The following PTPRN2 variants were observed in gnomAD, a reference collection of about 807,000 sequenced individuals.
PTPRN2 encodes protein tyrosine phosphatase receptor type N2.
A neutral mutation model predicts 118.8 loss-of-function variants in PTPRN2; 74 were observed. The ratio of observed to expected loss-of-function variants is 0.62; its 90% CI spans 0.52 to 0.76. PTPRN2 has a LOEUF of 0.76. Ranked by LOEUF, PTPRN2 falls within the 30% of genes least tolerant of loss-of-function variation. PTPRN2 has a pLI of 0.00. For missense variants in PTPRN2, 1,481 were observed against 1,394.4 expected (o/e 1.06, Z -0.99); for synonymous variants, 641 against 608.0 (o/e 1.05, Z -0.80).
intron 11 of PTPRN2, among the ~76,000 whole-genome samples, chr7:158,025,432 C>T (rs1212038049): frequency 2.0e-5 from 3 of 152,198 alleles, no homozygotes; most frequent in African/African-American, 4.8e-5. Flanking sequence ...AGCACGGCCG[C>T]CTTCCCCAGA....
chr7:157,670,062 A>G (rs974131613), intron 13 of PTPRN2, among the ~76,000 whole-genome samples: 1 of 152,142 alleles, frequency 6.6e-6, no homozygotes, highest in African/African-American at 2.4e-5. Context: ...CGAGTGTCCC[A>G]CACCAAGGCA....
intron 10 of PTPRN2, among the ~76,000 whole-genome samples, chr7:158,101,284 G>T (rs4475428): frequency 0.95 from 145,163 of 152,308 alleles, 69,224 homozygotes; most frequent in Middle Eastern, 0.98. Context: ...GGACACTCTA[G>T]TCAAAAATGG....
At chr7:158,266,751 T>C (rs970290612) in intron 3 of PTPRN2, among the ~76,000 whole-genome samples, 1 of 152,232 alleles carries the variant, frequency 6.6e-6, no homozygotes, top group Admixed American at 6.5e-5. Flanking sequence ...TTTTTGAAGA[T>C]TGAATTCAGT....
At chr7:158,342,340 A>G (rs1229875570) in intron 2 of PTPRN2, among the ~76,000 whole-genome samples, 7 of 103,332 alleles carry the variant, frequency 6.8e-5, no homozygotes, top group East Asian at 2.8e-4. Flanking sequence ...AAGAGCTGAC[A>G]CCTGCAGACG....
rs1817760969 is a variant in PTPRN2, at chr7:158,446,898, C to T, written c.163+42837G>A. On this transcript the variant is annotated intron_variant, in intron 2 of 22. Coordinates refer to ENST00000389418, the MANE Select transcript of PTPRN2 (RefSeq NM_002847.5). ...TGGACTGAAGGCGGCCGGCCTGCAG[C>T]CTCCTAGCTCCTGTTCCCACGGCCT... 7.2e-5 allele frequency among the ~76,000 whole-genome samples: 11 copies of T among 152,206 alleles called. No individual in the cohort carries two copies. The South Asian group carries it at 2.3e-3, about 31-fold the overall frequency.
At chr7:157,646,852 G>A (rs565611947) in intron 14 of PTPRN2, among the ~76,000 whole-genome samples, 29 of 149,724 alleles carry the variant, frequency 1.9e-4, no homozygotes, top group Admixed American at 6.6e-4. Flanking sequence ...AGCGTGCACC[G>A]AACTCAGTGG....
At chr7:158,229,891 G>T (rs1158726186) in intron 3 of PTPRN2, among the ~76,000 whole-genome samples, 1 of 151,818 alleles carries the variant, frequency 6.6e-6, no homozygotes, top group Non-Finnish European at 1.5e-5. Context: ...GTACAGGAAG[G>T]TCAGAGAACA....
intron 17 of PTPRN2, among the ~76,000 whole-genome samples, chr7:157,586,102 T>C (rs1800656876): frequency 6.6e-6 from 1 of 152,200 alleles, no homozygotes; most frequent in South Asian, 2.1e-4. Flanking sequence ...AATATAACAA[T>C]GTCCTGGAAA....
At chr7:157,734,846 C>A (rs898691221) in intron 12 of PTPRN2, among the ~76,000 whole-genome samples, 1 of 152,226 alleles carries the variant, frequency 6.6e-6, no homozygotes, top group Admixed American at 6.5e-5. Context: ...CAGAGGCAAA[C>A]CCACACCAGG....
chr7:157,747,699 C>T (rs113818741), intron 12 of PTPRN2, among the ~76,000 whole-genome samples: 3 of 130,962 alleles, frequency 2.3e-5, no homozygotes, highest in African/African-American at 5.9e-5. Flanking sequence ...CTGAGGCCTG[C>T]GTCTCTCAGC....
At chr7:158,306,867 T>G (rs1190357329) in intron 3 of PTPRN2, among the ~76,000 whole-genome samples, 46 of 146,960 alleles carry the variant, frequency 3.1e-4, no homozygotes, top group Middle Eastern at 3.4e-3. Flanking sequence ...TTTTTTTTTT[T>G]TTTTTTTTTT....
At chr7:157,898,986 C>G (rs974831833) in intron 11 of PTPRN2, among the ~76,000 whole-genome samples, 1 of 152,252 alleles carries the variant, frequency 6.6e-6, no homozygotes, top group African/African-American at 2.4e-5. Context: ...AAAGGGGTGT[C>G]CCACCCGGGT....
Position 157,794,911 on chromosome 7 carries a change from G to C in PTPRN2, c.1788+103762C>G, listed in dbSNP as rs2151083889. Reference sequence around the variant, plus strand: ...GCACATCACCTCGGTCCTCAGAGAGGAGGGATTTCCATGTGAAAGAGGCCA... The same window carrying C: ...GCACATCACCTCGGTCCTCAGAGAGCAGGGATTTCCATGTGAAAGAGGCCA... On this transcript the variant is annotated intron_variant, in intron 12 of 22. Transcript: ENST00000389418. This position sits in a 1 kb window ranked among gnomAD's most constrained non-coding sequence, Gnocchi z 5.2. 6.6e-6 allele frequency among the ~76,000 whole-genome samples: 1 copy of C among 152,352 alleles called. No homozygotes were observed. The highest frequency in any genetic ancestry group is 1.5e-5 in the Non-Finnish European group (1 of 68,030).
At chr7:157,783,277 C>T (rs984824825) in intron 12 of PTPRN2, among the ~76,000 whole-genome samples, 2 of 151,960 alleles carry the variant, frequency 1.3e-5, no homozygotes, top group African/African-American at 4.8e-5. Context: ...ATACACCTGC[C>T]TTGGCGGTGC....
Position 158,525,844 on chromosome 7 carries a change from A to T in PTPRN2, c.113-36059T>A, listed in dbSNP as rs1426034504. On this transcript the variant is annotated intron_variant, in intron 1 of 22. Transcript: ENST00000389418. This position sits in a 1 kb window ranked among gnomAD's most constrained non-coding sequence, Gnocchi z 4.1. The stretch of plus-strand genomic sequence containing the variant: ...TGGAAGCTCCCGCTTCAGCAAGAGG[A>T]AAGCCCCGATGATACAGGGTGAAGA... Among the ~76,000 whole-genome samples, 1 of 152,088 alleles carries T rather than the reference A, an allele frequency of 6.6e-6. No homozygotes were observed. Among genetic ancestry groups the T allele is most frequent in the African/African-American group, 2.4e-5 (1 of 41,424 alleles).
chr7:157,980,904 C>T (rs1168788108), intron 11 of PTPRN2, among the ~76,000 whole-genome samples: 1 of 152,184 alleles, frequency 6.6e-6, no homozygotes, highest in African/African-American at 2.4e-5. Flanking sequence ...CCAAGCCCCA[C>T]CTCCCACACG....
chr7:157,657,593 C>G (rs1273666583), intron 13 of PTPRN2, among the ~76,000 whole-genome samples: 1 of 57,682 alleles, frequency 1.7e-5, no homozygotes, highest in Non-Finnish European at 6.0e-5. Context: ...ACACATACAC[C>G]ACACACACAC....
intron 12 of PTPRN2, among the ~76,000 whole-genome samples, chr7:157,723,042 T>TG (rs1799331902): frequency 6.6e-6 from 1 of 152,224 alleles, no homozygotes; most frequent in Admixed American, 6.5e-5. Context: ...CCAATGCAGA[T>TG]GGTCTCCTAG....
intron 3 of PTPRN2, among the ~76,000 whole-genome samples, chr7:158,270,271 G>A (rs1474855426): frequency 6.6e-6 from 1 of 152,242 alleles, no homozygotes; most frequent in East Asian, 1.9e-4. Flanking sequence ...AGCAAGGCAA[G>A]TCATGGCCAG....
Sources: gnomAD v4.1 joint callset for allele counts (sites outside exome capture counted in the v4.1 genomes callset) on GRCh38, gnomAD v4.1.1 for gene constraint, Gnocchi (gnomAD v3.1) non-coding constraint, MANE v1.5 for transcripts, NCBI Gene and HGNC (gene_info 2026-07-23, HGNC 2026-07-21) for gene names.